Variants in NBEAL2 observed in about 807,000 individuals in gnomAD.
NBEAL2 encodes the protein neurobeachin like 2.
Under a neutral mutation model 299.8 loss-of-function variants are expected in NBEAL2, and 160 were observed. The ratio of observed to expected loss-of-function variants is 0.53; its 90% CI spans 0.47 to 0.61. The LOEUF is 0.61. NBEAL2 is among the 20% of genes least tolerant of loss of function. NBEAL2 has a pLI of 0.00. For missense variants in NBEAL2, 3,112 were observed against 3,649.0 expected (o/e 0.85, Z 3.79); for synonymous variants, 1,493 against 1,542.3 (o/e 0.97, Z 0.75).
rs370561302 is a variant in NBEAL2, at chr3:46,997,367, G to A, written c.2758G>A (p.Val920Met). 9.9e-6 allele frequency: 16 copies of A among 1,612,056 alleles called. No individual in the cohort carries two copies. The highest frequency in any genetic ancestry group is 2.2e-5 in the South Asian group (2 of 91,022). Residue 920 changes from valine (V) to methionine (M), a missense_variant, in exon 19 of 54, where the codon GTG (valine) becomes ATG (methionine). This residue lies in a region of NBEAL2 where 2,243 missense variants were observed against 2,538.1 expected (regional missense o/e 0.88). Transcript: ENST00000450053. Reference protein sequence around the residue: ...EAGPAETHDLVGPELTSGHNT... With the variant: ...EAGPAETHDLMGPELTSGHNT... Reference sequence around the variant, plus strand: ...AGGTCCAGCTGAAACGCATGACCTCGTGGGTCCTGAACTGACCTCTGGTCA... The same window carrying A: ...AGGTCCAGCTGAAACGCATGACCTCATGGGTCCTGAACTGACCTCTGGTCA...
Position 47,004,166 on chromosome 3 carries a change from T to C in NBEAL2, c.5971T>C (p.Phe1991Leu). 1.2e-6 allele frequency: 2 copies of C among 1,613,790 alleles called. No individual in the cohort carries two copies. The highest frequency in any genetic ancestry group is 1.7e-6 in the Non-Finnish European group (2 of 1,179,794). The change falls in exon 37 of 54, where the codon TTC (phenylalanine) becomes CTC (leucine). Residue 1991 changes from phenylalanine to leucine, a missense_variant. Physicochemically the swap from Phe to Leu is conservative, Grantham distance 22. Transcript: ENST00000450053. This position sits in a 1 kb window ranked among gnomAD's most constrained non-coding sequence, Gnocchi z 5.0. ...FNLRRSALELFFIDQANYFLN... is the reference protein window; with the variant it reads ...FNLRRSALELLFIDQANYFLN... ...CCTGCGCCGTTCAGCACTTGAGCTC[T>C]TCTTTATCGATCAGGCCAACTACTT...
intron 6 of NBEAL2, among the ~76,000 whole-genome samples, chr3:46,990,723 T>A (rs1183709890): frequency 6.6e-6 from 1 of 152,172 alleles, no homozygotes; most frequent in Non-Finnish European, 1.5e-5. Context: ...CTCCTACGTA[T>A]TAGGTTGTGA....
chr3:46,989,276 C>T lies in NBEAL2; in HGVS notation c.368C>T (p.Pro123Leu), dbSNP rs371460227. Residue 123 changes from proline (P) to leucine (L), a missense_variant, in exon 5 of 54, where the codon CCA (proline) becomes CTA (leucine). Around this residue, in one of 3 missense-constraint regions of NBEAL2, gnomAD observed 2,243 missense variants for 2,538.1 expected, o/e 0.88. Coordinates refer to ENST00000450053, the MANE Select transcript of NBEAL2 (RefSeq NM_015175.3). This position sits in a 1 kb window ranked among gnomAD's most constrained non-coding sequence, Gnocchi z 5.5. Reference protein sequence around the residue: ...KLVAELKGCPPPQGRGTQLEN... With the variant: ...KLVAELKGCPLPQGRGTQLEN... ...CACCTACAGCTGAAAGGATGCCCAC[C>T]ACCCCAGGGCCGAGGCACGCAGTTG... 1.8e-5 allele frequency: 29 copies of T among 1,611,048 alleles called. No homozygotes were observed. The highest frequency in any genetic ancestry group is 2.4e-5 in the Non-Finnish European group (28 of 1,178,678).
intron 1 of NBEAL2, among the ~76,000 whole-genome samples, chr3:46,984,569 T>G (rs1484687037): frequency 6.6e-6 from 1 of 152,208 alleles, no homozygotes; most frequent in African/African-American, 2.4e-5. Flanking sequence ...GAAGTCACGT[T>G]TAGCTTGACA....
rs554435946 is a variant in NBEAL2, at chr3:47,003,154, G to T, written c.5585-20G>T. The T allele has an allele frequency of 6.2e-7, 1 of 1,607,010 alleles. No individual in the cohort carries two copies. The highest frequency in any genetic ancestry group is 8.5e-7 in the Non-Finnish European group (1 of 1,175,346). The stretch of plus-strand genomic sequence containing the variant: ...TCCTGTCCTGCCTTGCTTCTGCTGA[G>T]TACCCTTGGCCCCTTGCAGGTGAGG... On this transcript the variant is annotated intron_variant, in intron 34 of 53. Coordinates refer to ENST00000450053, the MANE Select transcript of NBEAL2 (RefSeq NM_015175.3). This position sits in a 1 kb window ranked among gnomAD's most constrained non-coding sequence, Gnocchi z 7.0.
rs750453864 is a variant in NBEAL2, at chr3:47,001,016, G to A, written c.4321G>A (p.Glu1441Lys). 1.2e-5 allele frequency: 20 copies of A among 1,610,112 alleles called. No individual in the cohort carries two copies. Among genetic ancestry groups the A allele is most frequent in the Non-Finnish European group, 1.4e-5 (16 of 1,178,378 alleles). Reference sequence around the variant, plus strand: ...GTGCCCACAGCAAACCTCTGAGGAAGAGTTGTGCAATCTGCTCACCAACGT... The same window carrying A: ...GTGCCCACAGCAAACCTCTGAGGAAAAGTTGTGCAATCTGCTCACCAACGT... ...TSNPQQTSEEELCNLLTNVLF... is the reference protein window; with the variant it reads ...TSNPQQTSEEKLCNLLTNVLF... The change falls in exon 28 of 54, where the codon GAG becomes AAG. Residue 1441 changes from glutamate to lysine, a missense_variant. By Grantham distance (56) the Glu-to-Lys change is moderately conservative. Around this residue, in one of 3 missense-constraint regions of NBEAL2, gnomAD observed 2,243 missense variants for 2,538.1 expected, o/e 0.88. Transcript: ENST00000450053. This position sits in a 1 kb window ranked among gnomAD's most constrained non-coding sequence, Gnocchi z 6.1.
At chr3:46,994,836 A>C (rs904043541) in intron 12 of NBEAL2, among the ~76,000 whole-genome samples, 196 bp from the exon 13 acceptor site, 1 of 152,236 alleles carries the variant, frequency 6.6e-6, no homozygotes, top group African/African-American at 2.4e-5. Context: ...GGGATTAACA[A>C]TGCTGAAGGA....
In NBEAL2 at chr3:47,000,880, T is replaced by A; in HGVS notation, c.4306-121T>A. 1 of 1,419,174 alleles carries A rather than the reference T, an allele frequency of 7.0e-7. No homozygotes were observed. Among genetic ancestry groups the A allele is most frequent in the Non-Finnish European group, 9.6e-7 (1 of 1,045,192 alleles). 87.9% of individuals were successfully genotyped at this position (1,419,174 alleles called of 1,614,324 possible). A position where few individuals can be genotyped will look rare whatever the true frequency, so the allele number is the denominator to read the frequency against. On this transcript the variant is annotated intron_variant, in intron 27 of 53. Coordinates refer to ENST00000450053, the MANE Select transcript of NBEAL2 (RefSeq NM_015175.3). The surrounding 1 kb of genome is among the most constrained non-coding windows in gnomAD (Gnocchi z 4.5). ...AGTGCCAGGCTCACTGTTAGCCAAA[T>A]GCTCTGACTCCTGGGTGGCTACCCC...
At chr3:47,002,567 C>T (rs1476256592) in intron 32 of NBEAL2, 47 bp downstream of exon 32, 1 of 1,609,880 alleles carries the variant, frequency 6.2e-7, no homozygotes, top group Non-Finnish European at 8.5e-7. Context: ...ACACATGCAC[C>T]CAGGAGATGA....
Position 46,982,452 on chromosome 3 carries a change from G to T in NBEAL2, c.51+2540G>T, listed in dbSNP as rs1473383. On this transcript the variant is annotated intron_variant, in intron 1 of 53. Coordinates refer to ENST00000450053, the MANE Select transcript of NBEAL2 (RefSeq NM_015175.3). The surrounding 1 kb of genome is among the most constrained non-coding windows in gnomAD (Gnocchi z 4.2). ...TAGACCCACCCACCCCCTCCCCCTG[G>T]GGGCCCGGCTCAACTGGGGGCCTCA... 0.94 allele frequency among the ~76,000 whole-genome samples: 143,516 copies of T among 152,060 alleles called. 68,326 individuals carry two copies. Among genetic ancestry groups the T allele is most frequent in the East Asian group, 1 (5,148 of 5,148 alleles).
chr3:46,980,859 G>A (rs889840693), intron 1 of NBEAL2, among the ~76,000 whole-genome samples: 4 of 152,196 alleles, frequency 2.6e-5, no homozygotes, highest in African/African-American at 9.6e-5. Context: ...GCACCTGCCT[G>A]GCATCATGCT....
At chr3:46,983,311 CTTTT>C (rs35275864) in intron 1 of NBEAL2, among the ~76,000 whole-genome samples, 1 of 131,182 alleles carries the variant, frequency 7.6e-6, no homozygotes. Context: ...GGTCATATTC[CTTTT>C]TTTTTTTTTT....
Position 46,995,598 on chromosome 3 carries a change from C to T in NBEAL2, c.1863C>T (p.Ala621=). 6.2e-7 allele frequency: 1 copy of T among 1,612,150 alleles called. No individual in the cohort carries two copies. The highest frequency in any genetic ancestry group is 1.7e-5 in the Admixed American group (1 of 60,000). ...LHPMDTAPTP[A]PTRPLQRKQL... ...CTATGGATACAGCACCTACCCCTGC[C>T]CCCACCCGACCACTCCAGCGAAAGC... Residue 621 remains alanine (A), a synonymous_variant, in exon 13 of 54, where the codon GCC becomes GCT. Transcript: ENST00000450053.
chr3:47,003,712 A>T lies in NBEAL2; in HGVS notation c.5721-104A>T. The T allele has an allele frequency of 7.2e-7, 1 of 1,392,492 alleles. No homozygotes were observed. Among genetic ancestry groups the T allele is most frequent in the South Asian group, 1.5e-5 (1 of 66,486 alleles). 86.3% of individuals were successfully genotyped at this position (1,392,492 alleles called of 1,614,324 possible). A position where few individuals can be genotyped will look rare whatever the true frequency, so the allele number is the denominator to read the frequency against. On this transcript the variant is annotated intron_variant, in intron 35 of 53. Transcript: ENST00000450053. This position sits in a 1 kb window ranked among gnomAD's most constrained non-coding sequence, Gnocchi z 7.0. ...CAGCCCCTCCCCATCTCTGGGAGTC[A>T]TGAGAGTATATACCCCATGACTCAA...
rs2036514013 is a variant in NBEAL2 at position 46,996,526 on chromosome 3, C to T, written c.2407C>T (p.Leu803=). The stretch of plus-strand genomic sequence containing the variant: ...CAGCCCCACATCCCTGGAGGGTGAG[C>T]TGGGGGCTGTGGCCATCTTTCACGA... ...WGSPTSLEGE[L]GAVAIFHEAL... is the part of the protein sequence containing the mutation. Residue 803 remains leucine, a synonymous_variant, in exon 16 of 54, where the codon CTG becomes TTG. Coordinates refer to ENST00000450053, the MANE Select transcript of NBEAL2 (RefSeq NM_015175.3). 7 of 1,556,126 alleles carry T rather than the reference C, an allele frequency of 4.5e-6. No individual in the cohort carries two copies. The highest frequency in any genetic ancestry group is 5.2e-6 in the Non-Finnish European group (6 of 1,147,726).
Position 46,989,742 on chromosome 3 carries a change from A to G in NBEAL2, c.556+149A>G. ...AAAGACCAAGCAAGAGTTTAGGGAC[A>G]GAGACAAGAGAAGACATCTTGGGCT... On this transcript the variant is annotated intron_variant, in intron 6 of 53. Coordinates refer to ENST00000450053, the MANE Select transcript of NBEAL2 (RefSeq NM_015175.3). The surrounding 1 kb of genome is among the most constrained non-coding windows in gnomAD (Gnocchi z 5.5). 1.3e-6 allele frequency: 1 copy of G among 762,936 alleles called. No homozygotes were observed. The allele number at this position is 762,936 out of a possible 1,614,324, so 47.3% of individuals were successfully genotyped here.
In NBEAL2 at chr3:46,991,830, C is replaced by T; in HGVS notation, c.926-10C>T. On this transcript the variant is annotated splice_polypyrimidine_tract_variant and intron_variant, in intron 8 of 53. Transcript: ENST00000450053. This position sits in a 1 kb window ranked among gnomAD's most constrained non-coding sequence, Gnocchi z 6.2. ...GTCTGGGCAGGGCCTGACCCTTGAC[C>T]CTTCCACAGACGCCATCCCCATGAT... is the stretch of plus-strand genomic sequence containing the variant. The T allele has an allele frequency of 1.3e-6, 2 of 1,587,066 alleles. No individual in the cohort carries two copies. The highest frequency in any genetic ancestry group is 1.7e-6 in the Non-Finnish European group (2 of 1,166,798).
rs1209864694 is a variant in NBEAL2, at chr3:47,003,087, G to A, written c.5584+6G>A. 2.5e-6 allele frequency: 4 copies of A among 1,612,012 alleles called. No homozygotes were observed. The highest frequency in any genetic ancestry group is 3.3e-5 in the Admixed American group (2 of 59,760). ...CGCTCTCCGAGACAATCTGGGTGAG[G>A]GAGTGTGCTGAGATGGGTCCACCCA... On this transcript the variant is annotated splice_donor_region_variant and intron_variant, in intron 34 of 53. Transcript: ENST00000450053. The surrounding 1 kb of genome is among the most constrained non-coding windows in gnomAD (Gnocchi z 7.0).
In NBEAL2 at chr3:46,997,750, G is replaced by T. The variant is rs193137888; in HGVS notation, c.2958+56G>T. 6.3e-6 allele frequency: 9 copies of T among 1,435,020 alleles called. No individual in the cohort carries two copies. The African/African-American group carries it at 1.3e-4, about 21-fold the overall frequency. 88.9% of individuals were successfully genotyped at this position (1,435,020 alleles called of 1,614,324 possible). On this transcript the variant is annotated intron_variant, in intron 20 of 53. Transcript: ENST00000450053. ...AGGGGTATGGTCAGCCTGTCTGACC[G>T]AGGGGACTGAGTGGGGAACCCTGTC...
Sources: gnomAD v4.1 joint callset for allele counts (sites outside exome capture counted in the v4.1 genomes callset) on GRCh38, gnomAD v4.1.1 for gene constraint, gnomAD v4.1.1 regional missense constraint, Gnocchi (gnomAD v3.1) non-coding constraint, MANE v1.5 for transcripts, NCBI Gene and HGNC (gene_info 2026-07-23, HGNC 2026-07-21) for gene names.